Variants in AGBL1 observed in about 807,000 individuals in gnomAD.
AGBL1 encodes cytosolic carboxypeptidase 4.
AGBL1 carries 130 observed loss-of-function variants against 118.9 expected under a neutral mutation model. The ratio of observed to expected loss-of-function variants is 1.09; its 90% CI spans 0.95 to 1.26. The LOEUF (loss-of-function observed/expected upper bound fraction) is 1.26. Ranked by LOEUF, AGBL1 falls within the 50% of genes most tolerant of loss-of-function variation. AGBL1 has a pLI of 0.00. For synonymous variants in AGBL1, 555 were observed against 478.9 expected (o/e 1.16, Z -2.08); for missense variants, 1,584 against 1,298.1 (o/e 1.22, Z -3.38).
intron 1 of AGBL1, among the ~76,000 whole-genome samples, chr15:86,124,689 G>T (rs778801263): frequency 6.6e-6 from 1 of 152,068 alleles, no homozygotes; most frequent in Non-Finnish European, 1.5e-5. Context: ...CTACATTTTT[G>T]ATTGTTGGCT....
In AGBL1 at chr15:86,466,773, G is replaced by A. The variant is rs748128593; in HGVS notation, c.2556-56037G>A. 2.0e-3 allele frequency among the ~76,000 whole-genome samples: 308 copies of A among 152,314 alleles called. 1 individual carries two copies. Among genetic ancestry groups the A allele is most frequent in the Non-Finnish European group, 2.5e-3 (172 of 68,028 alleles). On this transcript the variant is annotated intron_variant, in intron 18 of 22. Coordinates refer to ENST00000614907, the MANE Select transcript of AGBL1 (RefSeq NM_001386094.1). ...GCCCTTCTTCTGCAGGTCTGCTGGAGTTTGCTTTAGGTCCACTCCAGATCC... is the reference window on the plus strand; with the variant it reads ...GCCCTTCTTCTGCAGGTCTGCTGGAATTTGCTTTAGGTCCACTCCAGATCC...
chr15:86,584,440 G>A (rs1436014836), intron 21 of AGBL1, among the ~76,000 whole-genome samples: 1 of 152,148 alleles, frequency 6.6e-6, no homozygotes, highest in Admixed American at 6.5e-5. Flanking sequence ...TATTGAAAAG[G>A]GAGTACTTTC....
At chr15:86,873,720 A>G (rs2079762700) in intron 22 of AGBL1, among the ~76,000 whole-genome samples, 1 of 152,200 alleles carries the variant, frequency 6.6e-6, no homozygotes, top group African/African-American at 2.4e-5. Context: ...TTCAGCCTCC[A>G]GAATTGTGAG....
intron 24 of AGBL1, among the ~76,000 whole-genome samples, chr15:87,020,517 GA>G (rs1343706195): frequency 6.6e-6 from 1 of 152,118 alleles, no homozygotes; most frequent in Non-Finnish European, 1.5e-5. Context: ...TCAGGCAAGA[GA>G]AAGAAATAAA....
chr15:86,353,382 T>C (rs961438894), intron 17 of AGBL1, among the ~76,000 whole-genome samples: 5 of 152,186 alleles, frequency 3.3e-5, no homozygotes, highest in Admixed American at 2.6e-4. Flanking sequence ...ATATTCTTAA[T>C]AGCGAGGATG....
chr15:86,129,246 A>G (rs570834940), intron 1 of AGBL1, among the ~76,000 whole-genome samples: 74 of 152,292 alleles, frequency 4.9e-4, no homozygotes, highest in African/African-American at 1.7e-3. Flanking sequence ...AAACTTGCTA[A>G]ATTTAACTAC....
intron 22 of AGBL1, among the ~76,000 whole-genome samples, chr15:86,834,257 G>T (rs1465536944): frequency 6.6e-6 from 1 of 151,420 alleles, no homozygotes. Flanking sequence ...TAAGAGTTCA[G>T]TCCCTATAGG....
chr15:86,372,848 A>T (rs2080989296), intron 17 of AGBL1, among the ~76,000 whole-genome samples: 1 of 152,226 alleles, frequency 6.6e-6, no homozygotes, highest in Admixed American at 6.5e-5. Context: ...CAAGGTAGTT[A>T]TAGTGAGGAA....
Position 86,580,166 on chromosome 15 carries a change from TATACTC to T in AGBL1, c.2994+25632_2994+25637del, listed in dbSNP as rs755111352. Among the ~76,000 whole-genome samples, 35 of 152,340 alleles carry T rather than the reference TATACTC, an allele frequency of 2.3e-4. No individual in the cohort carries two copies. The Middle Eastern group carries it at 0.01, about 44-fold the overall frequency. On this transcript the variant is annotated intron_variant, in intron 21 of 22. Transcript: ENST00000614907. ...TAACCGTAGGAGGGACTTTCTAACATATACTCATTACTGCTTCAACACAGCTGACCT... is the reference window on the plus strand; with the variant it reads ...TAACCGTAGGAGGGACTTTCTAACATATTACTGCTTCAACACAGCTGACCT...
intron 5 of AGBL1, among the ~76,000 whole-genome samples, chr15:86,198,537 G>A (rs570229749): frequency 1.1e-4 from 17 of 152,244 alleles, no homozygotes; most frequent in Admixed American, 9.8e-4. Context: ...ATATGTTGAT[G>A]CCCTAATCCC....
chr15:86,637,369 T>C (rs1013191023), intron 21 of AGBL1, among the ~76,000 whole-genome samples: 3 of 151,914 alleles, frequency 2.0e-5, no homozygotes, highest in African/African-American at 4.8e-5. Flanking sequence ...GTTTCAGGCA[T>C]AGAGAAACAC....
intron 5 of AGBL1, among the ~76,000 whole-genome samples, chr15:86,214,487 T>C (rs1194548023): frequency 6.6e-6 from 1 of 152,252 alleles, no homozygotes; most frequent in Non-Finnish European, 1.5e-5. Context: ...TACATCCATG[T>C]ATAATGGACT....
intron 18 of AGBL1, among the ~76,000 whole-genome samples, chr15:86,452,914 C>T (rs1371926742): frequency 6.6e-6 from 1 of 152,110 alleles, no homozygotes; most frequent in Non-Finnish European, 1.5e-5. Context: ...TGGTATGTAC[C>T]CGGTCTGCTC....
At chr15:87,005,765 G>A (rs1439427800) in intron 24 of AGBL1, among the ~76,000 whole-genome samples, 1 of 152,264 alleles carries the variant, frequency 6.6e-6, no homozygotes, top group African/African-American at 2.4e-5. Flanking sequence ...AAGAGGAGAG[G>A]TGCTCTGATT....
chr15:86,748,398 T>C (rs2077790359), intron 22 of AGBL1, among the ~76,000 whole-genome samples: 1 of 151,954 alleles, frequency 6.6e-6, no homozygotes, highest in Admixed American at 6.6e-5. Flanking sequence ...GTCAGATGAG[T>C]AGATTGCAAA....
rs2078276551 is a variant in AGBL1, at chr15:86,221,270, T to C, written c.489-3644T>C. ...TCAGTGCAGCTACCAGAACCATGGG[T>C]GTCAGATGTGCACATCCAGCAGAAG... On this transcript the variant is annotated intron_variant, in intron 5 of 22. Transcript: ENST00000614907. 1.3e-5 allele frequency among the ~76,000 whole-genome samples: 2 copies of C among 152,022 alleles called. 1 individual carries two copies. The highest frequency in any genetic ancestry group is 2.9e-5 in the Non-Finnish European group (2 of 67,990).
intron 5 of AGBL1, among the ~76,000 whole-genome samples, chr15:86,198,986 G>T (rs915939575): frequency 6.6e-6 from 1 of 152,166 alleles, no homozygotes; most frequent in African/African-American, 2.4e-5. Context: ...TTCTAGCCTT[G>T]AAGATTGCTG....
chr15:86,657,102 G>A (rs750851441), intron 21 of AGBL1, among the ~76,000 whole-genome samples: 10 of 152,048 alleles, frequency 6.6e-5, no homozygotes, highest in East Asian at 1.9e-4. Flanking sequence ...CACCTTCCTC[G>A]TTTCTCAGTG....
chr15:86,880,943 G>A (rs1596585931), intron 22 of AGBL1, among the ~76,000 whole-genome samples: 1 of 152,120 alleles, frequency 6.6e-6, no homozygotes, highest in South Asian at 2.1e-4. Flanking sequence ...AGGAGGGCCA[G>A]GGGAGGGGGC....
Sources: gnomAD v4.1 joint callset for allele counts (sites outside exome capture counted in the v4.1 genomes callset) on GRCh38, gnomAD v4.1.1 for gene constraint, MANE v1.5 for transcripts, NCBI Gene and HGNC (gene_info 2026-07-23, HGNC 2026-07-21) for gene names.